Variants in PLCB1 observed in about 807,000 individuals in gnomAD.
The protein encoded by PLCB1 is phospholipase C beta 1, also known as 1-phosphatidylinositol 4,5-bisphosphate phosphodiesterase beta-1.
PLCB1 carries 46 observed loss-of-function variants against 161.8 expected under a neutral mutation model. The observed-to-expected ratio is 0.28, with a 90% confidence interval of 0.22 to 0.36. The LOEUF (loss-of-function observed/expected upper bound fraction) is 0.36, where lower values mean the gene tolerates loss of function less well. Ranked by LOEUF, PLCB1 falls within the 10% of genes least tolerant of loss-of-function variation. The pLI is 1.00. For synonymous variants in PLCB1, 517 were observed against 503.7 expected (o/e 1.03, Z -0.35); for missense variants, 1,016 against 1,472.5 (o/e 0.69, Z 5.07).
chr20:8,757,877 A>G (rs1483713139), intron 24 of PLCB1, among the ~76,000 whole-genome samples: 1 of 151,810 alleles, frequency 6.6e-6, no homozygotes, highest in Admixed American at 6.6e-5. Flanking sequence ...ATAAATAAAT[A>G]AATAAATAAA....
At chr20:8,783,345 T>G (rs760121661) in intron 27 of PLCB1, among the ~76,000 whole-genome samples, 20 of 152,214 alleles carry the variant, frequency 1.3e-4, no homozygotes, top group Admixed American at 3.9e-4. Flanking sequence ...GAATGGCTCT[T>G]TGAACAGAGC....
At chr20:8,543,588 T>A (rs1416629201) in intron 3 of PLCB1, among the ~76,000 whole-genome samples, 1 of 151,292 alleles carries the variant, frequency 6.6e-6, no homozygotes, top group Non-Finnish European at 1.5e-5. Flanking sequence ...ATGAATGCAT[T>A]TCGTTATTTG....
chr20:8,257,688 G>A (rs1981497099), intron 2 of PLCB1, among the ~76,000 whole-genome samples: 1 of 152,160 alleles, frequency 6.6e-6, no homozygotes, highest in South Asian at 2.1e-4. Context: ...TCAATGCCTG[G>A]TAGGCAATAA....
chr20:8,243,920 G>A (rs993012356), intron 2 of PLCB1, among the ~76,000 whole-genome samples: 2 of 151,932 alleles, frequency 1.3e-5, no homozygotes, highest in Admixed American at 6.6e-5. Context: ...AAAATTAAAT[G>A]TGGTTCTCTA....
chr20:8,436,276 A>G (rs752486127), intron 3 of PLCB1, among the ~76,000 whole-genome samples: 4 of 151,436 alleles, frequency 2.6e-5, no homozygotes, highest in Non-Finnish European at 2.9e-5. Context: ...CAGAGGTTGC[A>G]CTGAGATCGC....
intron 2 of PLCB1, among the ~76,000 whole-genome samples, chr20:8,177,941 C>T (rs959799738): frequency 3.3e-5 from 5 of 151,114 alleles, no homozygotes. Context: ...TGAGAACATT[C>T]GTGATGTTTG....
chr20:8,720,862 A>AG (rs1979590424), intron 14 of PLCB1, among the ~76,000 whole-genome samples: 1 of 151,510 alleles, frequency 6.6e-6, no homozygotes, highest in Admixed American at 6.6e-5. Context: ...TTTTTTTAAA[A>AG]AAAAAAGGTA....
chr20:8,628,312 C>A lies in PLCB1; in HGVS notation c.265C>A (p.Leu89Ile), dbSNP rs1988421541. The A allele has an allele frequency of 1.2e-6, 2 of 1,613,786 alleles. No individual in the cohort carries two copies. Among genetic ancestry groups the A allele is most frequent in the Non-Finnish European group, 1.7e-6 (2 of 1,179,748 alleles). ...KAPKDPKLRE[L>I]LDVGNIGRLE... ...TACCCAGGACCCCAAATTACGTGAA[C>A]TTTTGGATGTGGGGAACATCGGGCG... The change falls in exon 4 of 32, where the codon CTT becomes ATT. Residue 89 changes from leucine to isoleucine, a missense_variant. Leu to Ile is a conservative substitution (Grantham distance 5, BLOSUM62 2). Coordinates refer to ENST00000338037, the MANE Select transcript of PLCB1 (RefSeq NM_015192.4).
chr20:8,302,259 T>G (rs1983942927), intron 2 of PLCB1, among the ~76,000 whole-genome samples: 2 of 152,238 alleles, frequency 1.3e-5, no homozygotes, highest in South Asian at 4.1e-4. Context: ...TGAACAGTTG[T>G]TAGTATGTCA....
chr20:8,667,803 C>T (rs1022596), intron 9 of PLCB1, among the ~76,000 whole-genome samples: 57,341 of 152,064 alleles, frequency 0.38, 11,389 homozygotes, highest in Non-Finnish European at 0.43. Flanking sequence ...TCCTTCATCA[C>T]ACCTTTCAGA....
chr20:8,434,276 A>G (rs1980200316), intron 3 of PLCB1, among the ~76,000 whole-genome samples: 1 of 150,766 alleles, frequency 6.6e-6, no homozygotes, highest in Non-Finnish European at 1.5e-5. Context: ...ATAAAGTTTT[A>G]TTGAATGCCT....
intron 2 of PLCB1, among the ~76,000 whole-genome samples, chr20:8,150,992 G>A (rs911654114): frequency 6.6e-6 from 1 of 152,180 alleles, no homozygotes; most frequent in African/African-American, 2.4e-5. Flanking sequence ...TTATTAAAAA[G>A]TAGAATATCT....
At chr20:8,208,054 A>C (rs1444947235) in intron 2 of PLCB1, among the ~76,000 whole-genome samples, 1 of 152,174 alleles carries the variant, frequency 6.6e-6, no homozygotes, top group African/African-American at 2.4e-5. Context: ...GGTTTAGTGC[A>C]CTGGAAGGCA....
intron 4 of PLCB1, among the ~76,000 whole-genome samples, chr20:8,631,330 G>C (rs1988582979): frequency 1.3e-5 from 2 of 152,182 alleles, no homozygotes; most frequent in Non-Finnish European, 2.9e-5. Context: ...TCTTCTAAAA[G>C]GAGCTGCAAA....
rs1016422043 is a variant in PLCB1, at chr20:8,737,051, T to C, written c.2067T>C (p.Ser689=). 3.1e-6 allele frequency: 5 copies of C among 1,613,086 alleles called. No individual in the cohort carries two copies. In the Admixed American group the frequency reaches 6.7e-5, roughly 22 times the overall value. Residue 689 remains serine (S), a synonymous_variant, in exon 20 of 32, where the codon TCT becomes TCC. Coordinates refer to ENST00000338037, the MANE Select transcript of PLCB1 (RefSeq NM_015192.4). ...AGATTATTTCAGGTCAGTTTCTTTC[T>C]GATAAGAAAGTTGGGACTTACGTGG... is the stretch of plus-strand genomic sequence containing the variant. ...SVKIISGQFL[S]DKKVGTYVEV... is the part of the protein sequence containing the mutation.
At chr20:8,493,366 A>AT (rs1319476224) in intron 3 of PLCB1, among the ~76,000 whole-genome samples, 14 of 152,188 alleles carry the variant, frequency 9.2e-5, no homozygotes, top group Admixed American at 9.2e-4. Context: ...ATTGGTTAAA[A>AT]TTTTTTGTGT....
intron 3 of PLCB1, among the ~76,000 whole-genome samples, chr20:8,523,398 ATGTG>A (rs34787623): frequency 0.38 from 45,396 of 119,708 alleles, 8,795 homozygotes; most frequent in Admixed American, 0.42. Context: ...CATAACAAAT[ATGTG>A]TGTGTGTGTG....
At position 8,685,082 on chromosome 20, in the gene PLCB1, T is replaced by C; in HGVS notation, c.1009+4T>C. 1 of 1,613,124 alleles carries C rather than the reference T, an allele frequency of 6.2e-7. No individual in the cohort carries two copies. The highest frequency in any genetic ancestry group is 8.5e-7 in the Non-Finnish European group (1 of 1,179,240). ...TCGCACAACACCTACCTCACAGGTA[T>C]GAATTTTCTAGTTCTTTGTTACTTT... On this transcript the variant is annotated splice_donor_region_variant and intron_variant, in intron 10 of 31. Transcript: ENST00000338037.
rs535213231 is a variant in PLCB1 at position 8,613,483 on chromosome 20, G to A, written c.247-14811G>A. On this transcript the variant is annotated intron_variant, in intron 3 of 31. Coordinates refer to ENST00000338037, the MANE Select transcript of PLCB1 (RefSeq NM_015192.4). ...CAAGGTACAAAATATACCTCACAAG[G>A]GGAAATTCAGAAGACAGTCTAATAG... 6.8e-4 allele frequency among the ~76,000 whole-genome samples: 103 copies of A among 152,228 alleles called. 3 individuals carry two copies. The South Asian group carries it at 0.021, about 32-fold the overall frequency.
Sources: gnomAD v4.1 joint callset for allele counts (sites outside exome capture counted in the v4.1 genomes callset) on GRCh38, gnomAD v4.1.1 for gene constraint, MANE v1.5 for transcripts, NCBI Gene and HGNC (gene_info 2026-07-23, HGNC 2026-07-21) for gene names.